The following DOCK3 variants were observed in gnomAD, a reference collection of about 807,000 sequenced individuals.
DOCK3 encodes the protein dedicator of cytokinesis 3.
DOCK3 carries 60 observed loss-of-function variants against 265.6 expected under a neutral mutation model. The ratio of observed to expected loss-of-function variants is 0.23; its 90% CI spans 0.18 to 0.28. The LOEUF (loss-of-function observed/expected upper bound fraction) is 0.28, where lower values mean the gene tolerates loss of function less well. DOCK3 is among the 10% of genes least tolerant of loss of function. DOCK3 has a pLI of 1.00. For missense variants in DOCK3, 1,981 were observed against 2,594.3 expected (o/e 0.76, Z 5.14); for synonymous variants, 881 against 938.0 (o/e 0.94, Z 1.11).
At chr3:51,191,042 G>T (rs1164017536) in intron 12 of DOCK3, among the ~76,000 whole-genome samples, 1 of 152,126 alleles carries the variant, frequency 6.6e-6, no homozygotes, top group Non-Finnish European at 1.5e-5. Context: ...AGTTGGCAAG[G>T]CAGGTCTCAT....
intron 10 of DOCK3, among the ~76,000 whole-genome samples, chr3:51,158,977 A>C (rs2085997538): frequency 6.6e-6 from 1 of 152,234 alleles, no homozygotes; most frequent in Non-Finnish European, 1.5e-5. Context: ...GAAGATTTCT[A>C]ATGTGAGAAC....
intron 9 of DOCK3, among the ~76,000 whole-genome samples, chr3:51,092,150 A>G (rs2109588552): frequency 6.6e-6 from 1 of 152,294 alleles, no homozygotes; most frequent in East Asian, 1.9e-4. Flanking sequence ...CTGGAACGCC[A>G]GTGATACAGA....
intron 52 of DOCK3, 61 bp downstream of exon 52, chr3:51,380,268 A>G: frequency 6.6e-7 from 1 of 1,508,890 alleles, no homozygotes; most frequent in African/African-American, 1.4e-5. Context: ...TCTGCTCTAG[A>G]ACCACCCTTG....
At chr3:51,219,327 C>T (rs1212204293) in intron 14 of DOCK3, among the ~76,000 whole-genome samples, 1 of 152,136 alleles carries the variant, frequency 6.6e-6, no homozygotes, top group African/African-American at 2.4e-5. Context: ...CTGCTTATTG[C>T]CTGCTTTGTT....
At chr3:50,711,904 T>C (rs1466708886) in intron 1 of DOCK3, among the ~76,000 whole-genome samples, 1 of 152,208 alleles carries the variant, frequency 6.6e-6, no homozygotes, top group Non-Finnish European at 1.5e-5. Context: ...CTTCAGTAAT[T>C]CGTCTCTTTC....
chr3:50,766,865 T>G (rs1185542197), intron 1 of DOCK3, among the ~76,000 whole-genome samples: 2 of 152,202 alleles, frequency 1.3e-5, no homozygotes, highest in Non-Finnish European at 2.9e-5. Flanking sequence ...GCATTTCTCT[T>G]ATGACCAGTG....
intron 2 of DOCK3, among the ~76,000 whole-genome samples, chr3:50,829,353 C>CA (rs2044985944): frequency 6.6e-6 from 1 of 152,164 alleles, no homozygotes; most frequent in African/African-American, 2.4e-5. Flanking sequence ...CTCAGCTTGT[C>CA]AGCCTCTCAG....
At position 50,816,831 on chromosome 3, in the gene DOCK3, C is replaced by T. The variant is rs1249356987; in HGVS notation, c.122-24844C>T. On this transcript the variant is annotated intron_variant, in intron 2 of 52. Transcript: ENST00000266037. ...TTCTTTATTTCTTTTGAGATGGGATCTCACCCGTCACCCAGGCTGGAGTGC... is the reference window on the plus strand; with the variant it reads ...TTCTTTATTTCTTTTGAGATGGGATTTCACCCGTCACCCAGGCTGGAGTGC... 2.7e-5 allele frequency among the ~76,000 whole-genome samples: 4 copies of T among 150,234 alleles called. No individual in the cohort carries two copies. The South Asian group carries it at 8.5e-4, about 32-fold the overall frequency.
chr3:51,287,556 T>TA (rs1369709020), intron 27 of DOCK3, among the ~76,000 whole-genome samples: 1 of 151,864 alleles, frequency 6.6e-6, no homozygotes, highest in Admixed American at 6.6e-5. Flanking sequence ...CTCAAAATAG[T>TA]AAAAATTAAA....
At chr3:50,677,083 G>T (rs2034023753) in intron 1 of DOCK3, among the ~76,000 whole-genome samples, 1 of 152,186 alleles carries the variant, frequency 6.6e-6, no homozygotes, top group African/African-American at 2.4e-5. Context: ...TGTGTTTTTA[G>T]CTTTAGAAAA....
chr3:51,096,800 GT>G (rs2082876131), intron 9 of DOCK3, among the ~76,000 whole-genome samples: 1 of 152,184 alleles, frequency 6.6e-6, no homozygotes, highest in African/African-American at 2.4e-5. Context: ...GATCTTTGAT[GT>G]TGGTGACCTC....
intron 22 of DOCK3, among the ~76,000 whole-genome samples, chr3:51,256,593 G>GT (rs74193219): frequency 0.16 from 20,797 of 126,762 alleles, 2,000 homozygotes; most frequent in Admixed American, 0.34. Context: ...TTTCGTTTTT[G>GT]TTTTTTTTTT....
At chr3:51,022,731 A>G (rs1368767606) in intron 5 of DOCK3, among the ~76,000 whole-genome samples, 7 of 152,022 alleles carry the variant, frequency 4.6e-5, no homozygotes, top group Non-Finnish European at 8.8e-5. Context: ...TTAGGTCCAA[A>G]TTGTCAATTT....
At chr3:51,380,657 CTG>C (rs1432918430) in intron 52 of DOCK3, among the ~76,000 whole-genome samples, 20 of 152,236 alleles carry the variant, frequency 1.3e-4, no homozygotes, top group Admixed American at 1.2e-3. Context: ...TTGGAAAAGA[CTG>C]AGTCTATCAC....
intron 5 of DOCK3, among the ~76,000 whole-genome samples, chr3:51,021,537 C>T (rs1245430417): frequency 2.0e-5 from 3 of 151,910 alleles, no homozygotes; most frequent in Admixed American, 2.0e-4. Flanking sequence ...GTTCTTAGCC[C>T]TTTATATTTC....
intron 5 of DOCK3, among the ~76,000 whole-genome samples, chr3:50,962,091 T>C (rs1041692700): frequency 6.6e-6 from 1 of 152,066 alleles, no homozygotes; most frequent in Non-Finnish European, 1.5e-5. Context: ...CATGGTGGTT[T>C]GCTGCACCCA....
intron 25 of DOCK3, chr3:51,276,519 C>A: frequency 1.4e-6 from 1 of 728,142 alleles, no homozygotes; most frequent in Non-Finnish European, 1.7e-6. Flanking sequence ...TATAACTACC[C>A]AAAGATACAT....
intron 51 of DOCK3, among the ~76,000 whole-genome samples, 185 bp from the exon 52 acceptor site, chr3:51,379,940 C>A (rs1222005190): frequency 2.6e-5 from 4 of 152,200 alleles, no homozygotes; most frequent in Admixed American, 6.5e-5. Flanking sequence ...GAGTGAGTTT[C>A]TTTTACCCCA....
chr3:50,893,241 A>G (rs2048726468), intron 4 of DOCK3: 1 of 305,634 alleles, frequency 3.3e-6, no homozygotes, highest in Non-Finnish European at 6.4e-6. Context: ...CAAAGGAACA[A>G]AATAAATATT....
Sources: allele counts gnomAD v4.1 joint callset (sites outside exome capture counted in the v4.1 genomes callset), GRCh38; gene constraint gnomAD v4.1.1; transcripts MANE v1.5; gene names NCBI Gene and HGNC (gene_info 2026-07-23, HGNC 2026-07-21).